GTF3C1: variants seen among roughly 807,000 people sequenced by gnomAD.
GTF3C1 encodes general transcription factor IIIC subunit 1.
A neutral mutation model predicts 226.7 loss-of-function variants in GTF3C1; 57 were observed. That is an observed-to-expected ratio of 0.25 (90% CI 0.20 to 0.31). The LOEUF (loss-of-function observed/expected upper bound fraction) is 0.31. Among genes scored for constraint, GTF3C1 ranks in the 10% least tolerant of loss-of-function variants. GTF3C1 has a pLI of 1.00. For missense variants in GTF3C1, 2,217 were observed against 2,776.1 expected, an observed-to-expected ratio of 0.80 and a Z score of 4.53; for synonymous variants, 1,090 against 1,084.8, an observed-to-expected ratio of 1.00 and a Z score of -0.09.
At chr16:27,511,958 A>T (rs1289347625) in intron 6 of GTF3C1, 57 bp from the exon 7 acceptor site, 1 of 1,588,420 alleles carries the variant, frequency 6.3e-7, no homozygotes, top group Non-Finnish European at 8.6e-7. Flanking sequence ...TGCGTGGGGG[A>T]GGTGAGGGGT....
At position 27,493,241 on chromosome 16, in the gene GTF3C1, C is replaced by G; in HGVS notation, c.2834G>C (p.Arg945Pro). 6.2e-7 allele frequency: 1 copy of G among 1,611,834 alleles called. No homozygotes were observed. Among genetic ancestry groups the G allele is most frequent in the Non-Finnish European group, 8.5e-7 (1 of 1,177,934 alleles). The change falls in exon 17 of 37, where the codon CGC (arginine) becomes CCC (proline). Residue 945 changes from arginine to proline, a missense_variant. Around this residue, in one of 12 missense-constraint regions of GTF3C1, gnomAD observed 353 missense variants for 411.7 expected, o/e 0.86. Transcript: ENST00000356183. ...NDPLKKHTLI[R>P]FLPRPIRQQL... ...CTGCCGAATGGGCCTGGGGAGAAAGCGGATCAGCGTGTGCTTCTTCAGCGG... is the reference window on the plus strand; with the variant it reads ...CTGCCGAATGGGCCTGGGGAGAAAGGGGATCAGCGTGTGCTTCTTCAGCGG...
chr16:27,479,967 G>A (rs1408127264), intron 27 of GTF3C1, among the ~76,000 whole-genome samples: 1 of 152,208 alleles, frequency 6.6e-6, no homozygotes, highest in East Asian at 1.9e-4. Context: ...TTGGGAGGCT[G>A]AGACGGGCAG....
In GTF3C1 at chr16:27,465,419, A is replaced by G. The variant is rs1439206317; in HGVS notation, c.5196T>C (p.Ser1732=). Residue 1732 remains serine, a synonymous_variant, in exon 33 of 37, where the codon TCT becomes TCC. Coordinates refer to ENST00000356183, the MANE Select transcript of GTF3C1 (RefSeq NM_001520.4). ...CAGTCAGGTCTTCGGGACTATACCCAGACAGCTCCAGCTGGAGGACAAACT... is the reference window on the plus strand; with the variant it reads ...CAGTCAGGTCTTCGGGACTATACCCGGACAGCTCCAGCTGGAGGACAAACT... The part of the protein sequence containing the change: ...LEEFVLQLEL[S]GYSPEDLTAA... 1.9e-6 allele frequency: 3 copies of G among 1,613,972 alleles called. No individual in the cohort carries two copies. The highest frequency in any genetic ancestry group is 2.5e-6 in the Non-Finnish European group (3 of 1,179,990).
At position 27,501,360 on chromosome 16, in the gene GTF3C1, T is replaced by A. The variant is rs1458381497; in HGVS notation, c.1908-16A>T. ...CTTCTGAATCCTGGGCATCACAAAA[T>A]AAGCAGATAACACTCCCAATCTCAA... On this transcript the variant is annotated splice_polypyrimidine_tract_variant and intron_variant, in intron 11 of 36. Transcript: ENST00000356183. The A allele has an allele frequency of 2.5e-6, 4 of 1,612,914 alleles. No homozygotes were observed. The East Asian group carries it at 8.9e-5, about 36-fold the overall frequency.
At chr16:27,537,659 C>T (rs1484292115) in intron 4 of GTF3C1, 125 bp downstream of exon 4, 15 of 666,906 alleles carry the variant, frequency 2.2e-5, no homozygotes, top group Non-Finnish European at 3.9e-5. Context: ...TCTCCCACCT[C>T]AGCCTCCCAA....
In GTF3C1 at chr16:27,461,368, G is replaced by A; in HGVS notation, c.6312C>T (p.Asn2104=). The A allele has an allele frequency of 6.2e-7, 1 of 1,611,398 alleles. No homozygotes were observed. The highest frequency in any genetic ancestry group is 1.3e-5 in the African/African-American group (1 of 75,000). The change falls in exon 37 of 37, where the codon AAC becomes AAT. Residue 2104 remains asparagine (N), a synonymous_variant. Transcript: ENST00000356183. This position sits in a 1 kb window ranked among gnomAD's most constrained non-coding sequence, Gnocchi z 5.3. ...AGGGGTCCTAGAGGTGGATCCACTTGTTCCAGTTGACCTCGTGGGGGAACA... is the reference window on the plus strand; with the variant it reads ...AGGGGTCCTAGAGGTGGATCCACTTATTCCAGTTGACCTCGTGGGGGAACA... ...GRVFPHEVNW[N]KWIHL is the part of the protein sequence containing the mutation.
At chr16:27,521,232 C>G (rs1033764030) in intron 6 of GTF3C1, among the ~76,000 whole-genome samples, 1 of 152,268 alleles carries the variant, frequency 6.6e-6, no homozygotes, top group African/African-American at 2.4e-5. Context: ...CCTGTGCTCA[C>G]AAGTTCTGGC....
Position 27,538,221 on chromosome 16 carries a change from C to A in GTF3C1, c.567G>T (p.Trp189Cys). ...GAAGGTCTCGCTGGAGCTCCCCTTGCCACCTGGACCGGCCTAGCCGTTCCA... is the reference window on the plus strand; with the variant it reads ...GAAGGTCTCGCTGGAGCTCCCCTTGACACCTGGACCGGCCTAGCCGTTCCA... ...CILERLGRSR[W>C]QGELQRDLHT... The change falls in exon 3 of 37, where the codon TGG (tryptophan) becomes TGT (cysteine). Residue 189 changes from tryptophan (W) to cysteine (C), a missense_variant. By Grantham distance (215) the Trp-to-Cys change is radical. Coordinates refer to ENST00000356183, the MANE Select transcript of GTF3C1 (RefSeq NM_001520.4). 1 of 1,594,808 alleles carries A rather than the reference C, an allele frequency of 6.3e-7. No individual in the cohort carries two copies. The highest frequency in any genetic ancestry group is 8.5e-7 in the Non-Finnish European group (1 of 1,173,670).
At chr16:27,475,846 T>C (rs1232759587) in intron 29 of GTF3C1, among the ~76,000 whole-genome samples, 3 of 152,350 alleles carry the variant, frequency 2.0e-5, no homozygotes, top group South Asian at 2.1e-4. Flanking sequence ...TGAAAAGCTA[T>C]GCCGTATAGC....
intron 7 of GTF3C1, 61 bp from the exon 8 acceptor site, chr16:27,508,716 G>C (rs993352836): frequency 1.7e-6 from 2 of 1,206,040 alleles, no homozygotes; most frequent in Non-Finnish European, 2.4e-6. Flanking sequence ...GCACAAGTCA[G>C]TTTCCAGCCC....
At chr16:27,544,740 A>T (rs1258098809) in intron 2 of GTF3C1, among the ~76,000 whole-genome samples, 1 of 152,172 alleles carries the variant, frequency 6.6e-6, no homozygotes, top group Non-Finnish European at 1.5e-5. Flanking sequence ...ATGGCTTGGC[A>T]GCACAGGGCC....
chr16:27,498,737 G>A lies in GTF3C1; in HGVS notation c.2062-4C>T. On this transcript the variant is annotated splice_polypyrimidine_tract_variant and splice_region_variant and intron_variant, in intron 12 of 36. Coordinates refer to ENST00000356183, the MANE Select transcript of GTF3C1 (RefSeq NM_001520.4). ...ACGGGTGCACCACCAGATCCACCTG[G>A]AGAGAGAGGTTGGAGCATCCCACAG... The A allele has an allele frequency of 6.7e-7, 1 of 1,482,282 alleles. No individual in the cohort carries two copies. Among genetic ancestry groups the A allele is most frequent in the Non-Finnish European group, 9.4e-7 (1 of 1,059,790 alleles). The allele number at this position is 1,482,282 out of a possible 1,614,324, so 91.8% of individuals were successfully genotyped here.
In GTF3C1 at chr16:27,505,999, C is replaced by A. The variant is rs2088478939; in HGVS notation, c.1670G>T (p.Ser557Ile). ...GGACACGTTGGGTTCTGAGACGCTGCTGGTATCTAAGAGGCTGTCCCTGCT... is the reference window on the plus strand; with the variant it reads ...GGACACGTTGGGTTCTGAGACGCTGATGGTATCTAAGAGGCTGTCCCTGCT... ...LASRDSLLDT[S>I]SVSEPNVSFV... The change falls in exon 10 of 37, where the codon AGC becomes ATC. Residue 557 changes from serine (S) to isoleucine (I), a missense_variant. By Grantham distance (142) the Ser-to-Ile change is moderately radical. Transcript: ENST00000356183. 4 of 1,613,114 alleles carry A rather than the reference C, an allele frequency of 2.5e-6. No individual in the cohort carries two copies. The highest frequency in any genetic ancestry group is 2.5e-6 in the Non-Finnish European group (3 of 1,179,006).
chr16:27,530,647 T>C (rs942093425), intron 5 of GTF3C1, among the ~76,000 whole-genome samples: 1 of 152,194 alleles, frequency 6.6e-6, no homozygotes, highest in African/African-American at 2.4e-5. Flanking sequence ...AAGATCTTCA[T>C]ACCCAATATG....
At chr16:27,544,575 C>G (rs1188760631) in intron 2 of GTF3C1, among the ~76,000 whole-genome samples, 3 of 151,602 alleles carry the variant, frequency 2.0e-5, no homozygotes, top group Non-Finnish European at 4.4e-5. Context: ...GTGGAAAAGT[C>G]TGCAAGTCAA....
chr16:27,471,832 C>T lies in GTF3C1; in HGVS notation c.4442G>A (p.Arg1481Gln), dbSNP rs761950187. ...CQKRSLVNRR[R>Q]VNHTLGPKKN... ...CTTGGGGCCCAGCGTGTGGTTGACC[C>T]GGCGCCGGTTGACCAAGCTCCTCTT... The change falls in exon 30 of 37, where the codon CGG becomes CAG. Residue 1481 changes from arginine to glutamine, a missense_variant. By Grantham distance (43) the Arg-to-Gln change is conservative (BLOSUM62 1). Around this residue, in one of 12 missense-constraint regions of GTF3C1, gnomAD observed 546 missense variants for 663.0 expected, o/e 0.82. Coordinates refer to ENST00000356183, the MANE Select transcript of GTF3C1 (RefSeq NM_001520.4). The surrounding 1 kb of genome is among the most constrained non-coding windows in gnomAD (Gnocchi z 5.0). 4 of 1,613,852 alleles carry T rather than the reference C, an allele frequency of 2.5e-6. No homozygotes were observed. Among genetic ancestry groups the T allele is most frequent in the Non-Finnish European group, 1.7e-6 (2 of 1,179,772 alleles).
At chr16:27,476,380 G>T in intron 29 of GTF3C1, 71 bp downstream of exon 29, 1 of 941,162 alleles carries the variant, frequency 1.1e-6, no homozygotes, top group Non-Finnish European at 1.7e-6. Flanking sequence ...AAGGGCAGGG[G>T]CCAGCACCTC....
chr16:27,538,945 T>G (rs959503883), intron 2 of GTF3C1, among the ~76,000 whole-genome samples: 1 of 149,160 alleles, frequency 6.7e-6, no homozygotes, highest in African/African-American at 2.5e-5. Context: ...TTAGCACTCT[T>G]AGAAATGACT....
intron 4 of GTF3C1, among the ~76,000 whole-genome samples, chr16:27,537,359 A>G (rs1018962768): frequency 2.6e-5 from 4 of 152,228 alleles, no homozygotes; most frequent in African/African-American, 9.6e-5. Context: ...AAAAAAACAG[A>G]TAACAAATGC....
Sources: allele counts gnomAD v4.1 joint callset (sites outside exome capture counted in the v4.1 genomes callset), GRCh38; gene constraint gnomAD v4.1.1; regional missense constraint gnomAD v4.1.1; non-coding constraint Gnocchi (gnomAD v3.1); transcripts MANE v1.5; gene names NCBI Gene and HGNC (gene_info 2026-07-23, HGNC 2026-07-21).